ZNF322: variants seen among roughly 807,000 people sequenced by gnomAD.
The protein encoded by ZNF322 is HLA complex group 12.
Under a neutral mutation model 18.3 loss-of-function variants are expected in ZNF322, and 1 was observed. The observed-to-expected ratio is 0.05, with a 90% CI of 0.02 to 0.26. The LOEUF (loss-of-function observed/expected upper bound fraction) is 0.26, where lower values mean the gene tolerates loss of function less well. Among genes scored for constraint, ZNF322 ranks in the 10% least tolerant of loss-of-function variants. ZNF322 has a pLI of 1.00. For synonymous variants in ZNF322, 17 were observed against 130.7 expected (o/e 0.13, Z 5.93); for missense variants, 36 against 403.6 (o/e 0.09, Z 7.80).
At chr6:26,651,587 A>G (rs1765669971) in intron 2 of ZNF322, 1 of 152,150 alleles carries the variant, frequency 6.6e-6, no homozygotes, top group Non-Finnish European at 1.5e-5. Flanking sequence ...CTGACAGTAG[A>G]TTTTATGTTC....
chr6:26,648,260 C>A (rs1367839675), intron 2 of ZNF322, among the ~76,000 whole-genome samples: 1 of 152,054 alleles, frequency 6.6e-6, no homozygotes, highest in African/African-American at 2.4e-5. Flanking sequence ...CAACAGAAAT[C>A]AACATCTATT....
At chr6:26,645,114 A>G (rs1765533104) in intron 2 of ZNF322, among the ~76,000 whole-genome samples, 1 of 150,688 alleles carries the variant, frequency 6.6e-6, no homozygotes, top group African/African-American at 2.5e-5. Context: ...TGGACAGAAA[A>G]CTGACTTAAA....
intron 2 of ZNF322, among the ~76,000 whole-genome samples, chr6:26,656,834 T>C (rs945762087): frequency 2.0e-5 from 3 of 151,782 alleles, no homozygotes; most frequent in Admixed American, 6.6e-5. Flanking sequence ...ACCAATGAAG[T>C]GTGGGGCATT....
intron 2 of ZNF322, among the ~76,000 whole-genome samples, chr6:26,648,052 T>G (rs1318050706): frequency 1.3e-5 from 2 of 152,044 alleles, no homozygotes; most frequent in Non-Finnish European, 2.9e-5. Context: ...TAACATTTTT[T>G]ATGAATGTGA....
intron 2 of ZNF322, among the ~76,000 whole-genome samples, chr6:26,644,342 C>T (rs1765517891): frequency 6.6e-6 from 1 of 152,188 alleles, no homozygotes; most frequent in Non-Finnish European, 1.5e-5. Flanking sequence ...CCCTCAACAA[C>T]CTTCCTGCTA....
chr6:26,651,555 T>C (rs932465613), intron 2 of ZNF322: 4 of 152,166 alleles, frequency 2.6e-5, no homozygotes, highest in East Asian at 1.9e-4. Flanking sequence ...CTAATAAAAA[T>C]ACATTGCATA....
intron 2 of ZNF322, among the ~76,000 whole-genome samples, chr6:26,645,515 C>G (rs1765540785): frequency 6.6e-6 from 1 of 152,022 alleles, no homozygotes; most frequent in Admixed American, 6.5e-5. Context: ...TCTGCAGTTT[C>G]TGGTATACAC....
intron 3 of ZNF322, among the ~76,000 whole-genome samples, chr6:26,642,310 G>C (rs1048168348): frequency 1.3e-5 from 2 of 152,138 alleles, no homozygotes; most frequent in Admixed American, 1.3e-4. Context: ...TAAATACTGA[G>C]GGAACTCAGA....
intron 2 of ZNF322, among the ~76,000 whole-genome samples, chr6:26,648,174 C>T (rs549040919): frequency 4.8e-4 from 73 of 152,132 alleles, no homozygotes; most frequent in African/African-American, 1.8e-3. Context: ...AGGAAATCCA[C>T]TAAATATAAT....
chr6:26,649,669 GTGTGTGTATATATATATATATA>G (rs1247877521), intron 2 of ZNF322, among the ~76,000 whole-genome samples: 8 of 36,262 alleles, frequency 2.2e-4, no homozygotes, highest in African/African-American at 8.8e-4. Flanking sequence ...GTGTGTGTGT[GTGTGTGTATATATATATATATA>G]TATATATATA....
chr6:26,657,724 A>G (rs1220048050), intron 2 of ZNF322, among the ~76,000 whole-genome samples: 1 of 152,110 alleles, frequency 6.6e-6, no homozygotes, highest in Non-Finnish European at 1.5e-5. Context: ...AAATACCAGA[A>G]CAAAAAGGCA....
intron 2 of ZNF322, among the ~76,000 whole-genome samples, chr6:26,654,758 T>G (rs1475512211): frequency 6.6e-6 from 1 of 152,084 alleles, no homozygotes; most frequent in Non-Finnish European, 1.5e-5. Flanking sequence ...AAGAGTACTG[T>G]GCAAAAATCT....
At chr6:26,647,362 C>T (rs1765575343) in intron 2 of ZNF322, among the ~76,000 whole-genome samples, 1 of 151,264 alleles carries the variant, frequency 6.6e-6, no homozygotes, top group African/African-American at 2.4e-5. Context: ...GACAGTAAAT[C>T]TAATGATAAA....
chr6:26,652,475 A>G (rs2494714), intron 2 of ZNF322, among the ~76,000 whole-genome samples: 98,929 of 151,986 alleles, frequency 0.65, 32,678 homozygotes, highest in East Asian at 0.78. Context: ...GATCACCTGA[A>G]GTGAGGAGTT....
intron 2 of ZNF322, among the ~76,000 whole-genome samples, chr6:26,655,593 C>T (rs2451715): frequency 0.65 from 98,941 of 152,000 alleles, 32,686 homozygotes; most frequent in East Asian, 0.78. Flanking sequence ...AAAATCTATA[C>T]ATATGTATAT....
chr6:26,652,814 G>C (rs1413038491), intron 2 of ZNF322, among the ~76,000 whole-genome samples: 1 of 152,140 alleles, frequency 6.6e-6, no homozygotes, highest in African/African-American at 2.4e-5. Flanking sequence ...TGTAAGAAAT[G>C]TATCACTCTG....
intron 2 of ZNF322, among the ~76,000 whole-genome samples, chr6:26,650,868 G>C (rs376521832): frequency 6.6e-6 from 1 of 152,128 alleles, no homozygotes; most frequent in Non-Finnish European, 1.5e-5. Context: ...TTCCCAACTT[G>C]TACTACAGAT....
At chr6:26,650,158 A>G (rs998795169) in intron 2 of ZNF322, among the ~76,000 whole-genome samples, 1 of 152,224 alleles carries the variant, frequency 6.6e-6, no homozygotes, top group Non-Finnish European at 1.5e-5. Context: ...TCTGATAGAA[A>G]AATAAGCAAA....
At chr6:26,643,496 A>G (rs1765500325) in intron 3 of ZNF322, among the ~76,000 whole-genome samples, 163 bp downstream of exon 3, 1 of 152,224 alleles carries the variant, frequency 6.6e-6, no homozygotes, top group African/African-American at 2.4e-5. Flanking sequence ...GTTGGTGCTT[A>G]ATAAGCATCT....
Sources: allele counts gnomAD v4.1 joint callset (sites outside exome capture counted in the v4.1 genomes callset), GRCh38; gene constraint gnomAD v4.1.1; transcripts MANE v1.5; gene names NCBI Gene and HGNC (gene_info 2026-07-23, HGNC 2026-07-21).